Variants in TRAPPC9 observed in about 807,000 individuals in gnomAD.
TRAPPC9 encodes the protein trafficking protein particle complex subunit 9.
A neutral mutation model predicts 124.0 loss-of-function variants in TRAPPC9; 83 were observed. That is an observed-to-expected ratio of 0.67 (90% CI 0.56 to 0.80). The LOEUF (loss-of-function observed/expected upper bound fraction) is 0.80. TRAPPC9 is among the 30% of genes least tolerant of loss of function. The probability of loss-of-function intolerance (pLI) is 0.00; values close to 1 mark genes in which losing one functional copy is unlikely to be tolerated. For synonymous variants in TRAPPC9, 638 were observed against 617.5 expected (o/e 1.03, Z -0.49); for missense variants, 1,302 against 1,508.3 (o/e 0.86, Z 2.27).
intron 17 of TRAPPC9, among the ~76,000 whole-genome samples, chr8:140,135,500 T>G (rs1050293587): frequency 6.6e-6 from 1 of 152,220 alleles, no homozygotes; most frequent in Non-Finnish European, 1.5e-5. Flanking sequence ...GAATGAACTT[T>G]AACAACATTA....
At chr8:139,989,863 T>A (rs1837513001) in intron 18 of TRAPPC9, among the ~76,000 whole-genome samples, 2 of 152,168 alleles carry the variant, frequency 1.3e-5, no homozygotes, top group South Asian at 2.1e-4. Context: ...CGAAAACTCA[T>A]ACGGTATCTC....
chr8:140,306,740 G>C (rs1341370260), intron 10 of TRAPPC9, among the ~76,000 whole-genome samples: 1 of 152,192 alleles, frequency 6.6e-6, no homozygotes, highest in Non-Finnish European at 1.5e-5. Context: ...ACAAGTCCAA[G>C]GAAGAGAACA....
At chr8:140,423,611 T>TATATACACATATACATA (rs2070306197) in intron 5 of TRAPPC9, among the ~76,000 whole-genome samples, 1 of 83,154 alleles carries the variant, frequency 1.2e-5, no homozygotes, top group Admixed American at 1.2e-4. Context: ...CACACACACA[T>TATATACACATATACATA]CACATATATA....
At chr8:140,346,477 G>C (rs2067353483) in intron 9 of TRAPPC9, among the ~76,000 whole-genome samples, 1 of 152,210 alleles carries the variant, frequency 6.6e-6, no homozygotes, top group Non-Finnish European at 1.5e-5. Flanking sequence ...TTGGAGTCCT[G>C]AGGGTCTACT....
intron 19 of TRAPPC9, among the ~76,000 whole-genome samples, chr8:139,969,582 T>G (rs1835929939): frequency 6.6e-6 from 1 of 152,110 alleles, no homozygotes; most frequent in Admixed American, 6.5e-5. Context: ...ATGACAAGGA[T>G]CACAGAGGTG....
At position 139,729,381 on chromosome 8, in the gene TRAPPC9, G is replaced by C. The variant is rs1451242788; in HGVS notation, c.*1680C>G. 1.3e-5 allele frequency among the ~76,000 whole-genome samples: 2 copies of C among 152,252 alleles called. No individual in the cohort carries two copies. Among genetic ancestry groups the C allele is most frequent in the Non-Finnish European group, 2.9e-5 (2 of 68,044 alleles). On this transcript the variant is annotated 3_prime_UTR_variant, in exon 23 of 23. Coordinates refer to ENST00000438773, the MANE Select transcript of TRAPPC9 (RefSeq NM_001160372.4). ...GTTTGTTCCATTCAGAAACAGCCCA[G>C]GTGGCCAGGCCCTCAACTACGCTGA...
At chr8:140,273,720 A>G (rs1376012217) in intron 15 of TRAPPC9, among the ~76,000 whole-genome samples, 2 of 152,048 alleles carry the variant, frequency 1.3e-5, no homozygotes, top group African/African-American at 2.4e-5. Context: ...TACTCGGGGA[A>G]CAGCTTTTCC....
At chr8:140,416,612 A>G (rs1284789424) in intron 5 of TRAPPC9, among the ~76,000 whole-genome samples, 1 of 152,258 alleles carries the variant, frequency 6.6e-6, no homozygotes, top group African/African-American at 2.4e-5. Flanking sequence ...ATGGATAGGA[A>G]GAATCAATAT....
chr8:139,906,397 G>T (rs938125636), intron 20 of TRAPPC9, among the ~76,000 whole-genome samples: 1 of 152,190 alleles, frequency 6.6e-6, no homozygotes, highest in Non-Finnish European at 1.5e-5. Context: ...AGGGCTGGGC[G>T]CTACTCAGAG....
chr8:140,420,651 T>C (rs1243916581), intron 5 of TRAPPC9, among the ~76,000 whole-genome samples: 1 of 152,132 alleles, frequency 6.6e-6, no homozygotes, highest in Non-Finnish European at 1.5e-5. Flanking sequence ...ATGTGCAGGT[T>C]TGTTACATGT....
At chr8:140,163,735 A>G (rs748673216) in intron 17 of TRAPPC9, among the ~76,000 whole-genome samples, 1 of 152,130 alleles carries the variant, frequency 6.6e-6, no homozygotes, top group Admixed American at 6.5e-5. Context: ...TTGCCTTTCA[A>G]GGGAGATAAG....
In TRAPPC9 at chr8:139,888,089, G is replaced by A. The variant is rs79426864; in HGVS notation, c.2965-2120C>T. Among the ~76,000 whole-genome samples the A allele has an allele frequency of 3.1e-3, 477 of 152,320 alleles. 3 individuals carry two copies. The highest frequency in any genetic ancestry group is 0.011 in the African/African-American group (441 of 41,576). ...CTCCTGGCTCCAGTCCGCACATGCTGCTTGCTTCATTCCACAGCACCCCAA... is the reference window on the plus strand; with the variant it reads ...CTCCTGGCTCCAGTCCGCACATGCTACTTGCTTCATTCCACAGCACCCCAA... On this transcript the variant is annotated intron_variant, in intron 20 of 22. Transcript: ENST00000438773.
chr8:139,877,603 C>T (rs543329330), intron 21 of TRAPPC9, among the ~76,000 whole-genome samples: 15 of 152,302 alleles, frequency 9.8e-5, no homozygotes, highest in East Asian at 3.9e-4. Context: ...ACACTCACTC[C>T]GGGATTCAGG....
chr8:140,271,361 A>G (rs2064873871), intron 15 of TRAPPC9, among the ~76,000 whole-genome samples: 1 of 152,236 alleles, frequency 6.6e-6, no homozygotes, highest in Non-Finnish European at 1.5e-5. Flanking sequence ...AAAATGATTA[A>G]ATGAACCACA....
chr8:140,374,766 T>G (rs971756923), intron 7 of TRAPPC9, among the ~76,000 whole-genome samples: 2 of 152,046 alleles, frequency 1.3e-5, no homozygotes, highest in Non-Finnish European at 2.9e-5. Flanking sequence ...GAGGTCACCA[T>G]CTAAAATAAA....
At chr8:140,135,731 G>C (rs2061293187) in intron 17 of TRAPPC9, among the ~76,000 whole-genome samples, 3 of 152,228 alleles carry the variant, frequency 2.0e-5, no homozygotes, top group Non-Finnish European at 4.4e-5. Flanking sequence ...ATAACATGGT[G>C]AATGCAGTTA....
chr8:140,372,025 C>T lies in TRAPPC9; in HGVS notation c.1135-845G>A, dbSNP rs542132589. Among the ~76,000 whole-genome samples the T allele has an allele frequency of 6.6e-5, 10 of 152,288 alleles. No homozygotes were observed. The South Asian group carries it at 2.1e-3, about 32-fold the overall frequency. ...GCCAACAACTTCTGTTTCTTCAGCA[C>T]CTACTGTATGGCAGCAGACTTAACG... On this transcript the variant is annotated intron_variant, in intron 7 of 22. Coordinates refer to ENST00000438773, the MANE Select transcript of TRAPPC9 (RefSeq NM_001160372.4).
At chr8:140,128,663 T>C (rs1004812269) in intron 17 of TRAPPC9, among the ~76,000 whole-genome samples, 5 of 152,214 alleles carry the variant, frequency 3.3e-5, no homozygotes, top group Admixed American at 1.3e-4. Context: ...TGCTACACTT[T>C]TCAAGAGAAA....
chr8:139,792,961 C>A (rs1359579407), intron 21 of TRAPPC9, among the ~76,000 whole-genome samples: 1 of 152,230 alleles, frequency 6.6e-6, no homozygotes, highest in Non-Finnish European at 1.5e-5. Flanking sequence ...TTCCACAGAG[C>A]AGCTCCTGGC....
Sources: allele counts gnomAD v4.1 joint callset (sites outside exome capture counted in the v4.1 genomes callset), GRCh38; gene constraint gnomAD v4.1.1; transcripts MANE v1.5; gene names NCBI Gene and HGNC (gene_info 2026-07-23, HGNC 2026-07-21).